Variants in PACSIN2 observed in about 807,000 individuals in gnomAD.
PACSIN2 encodes the protein protein kinase C and casein kinase substrate in neurons protein 2.
A neutral mutation model predicts 63.8 loss-of-function variants in PACSIN2; 25 were observed. That is an observed-to-expected ratio of 0.39 (90% CI 0.29 to 0.55). PACSIN2 has a LOEUF of 0.55. Among genes scored for constraint, PACSIN2 ranks in the 20% least tolerant of loss-of-function variants. The pLI is 0.62. For synonymous variants in PACSIN2, 255 were observed against 256.2 expected, an observed-to-expected ratio of 1.00 and a Z score of 0.05; for missense variants, 518 against 646.9, an observed-to-expected ratio of 0.80 and a Z score of 2.16.
At chr22:42,926,145 G>C (rs1932519024) in intron 1 of PACSIN2, among the ~76,000 whole-genome samples, 1 of 152,322 alleles carries the variant, frequency 6.6e-6, no homozygotes, top group East Asian at 1.9e-4. Flanking sequence ...CAAAGGAAGA[G>C]ATAAGAGATC....
intron 1 of PACSIN2, among the ~76,000 whole-genome samples, chr22:42,941,696 G>A (rs930888641): frequency 9.2e-5 from 14 of 152,174 alleles, no homozygotes; most frequent in African/African-American, 3.4e-4. Flanking sequence ...TATCTTTGAA[G>A]AAACGTCGGT....
At chr22:42,894,388 G>A (rs966457920) in intron 2 of PACSIN2, among the ~76,000 whole-genome samples, 4 of 152,130 alleles carry the variant, frequency 2.6e-5, no homozygotes, top group African/African-American at 2.4e-5. Context: ...CTACAGGCAC[G>A]CATGCCATCA....
At chr22:42,998,699 C>T (rs1365183072) in intron 1 of PACSIN2, among the ~76,000 whole-genome samples, 1 of 152,142 alleles carries the variant, frequency 6.6e-6, no homozygotes, top group East Asian at 1.9e-4. Context: ...CTGGTGAGAG[C>T]CCCACCCTCA....
chr22:42,892,451 C>A (rs1356253103), intron 3 of PACSIN2, among the ~76,000 whole-genome samples: 1 of 152,170 alleles, frequency 6.6e-6, no homozygotes, highest in Non-Finnish European at 1.5e-5. Flanking sequence ...CCTGTCCTGT[C>A]CACAACGTTA....
At chr22:42,989,402 G>A (rs746874633) in intron 1 of PACSIN2, among the ~76,000 whole-genome samples, 60 of 151,852 alleles carry the variant, frequency 4.0e-4, no homozygotes, top group Non-Finnish European at 6.9e-4. Context: ...GGAGGCTGAG[G>A]CAGGAGAATC....
At chr22:42,911,177 T>TACAG in intron 2 of PACSIN2, among the ~76,000 whole-genome samples, 1 of 152,156 alleles carries the variant, frequency 6.6e-6, no homozygotes, top group African/African-American at 2.4e-5. Flanking sequence ...GTGCTGGGGT[T>TACAG]ACAGACATGA....
At chr22:42,892,621 C>T (rs112197656) in intron 3 of PACSIN2, among the ~76,000 whole-genome samples, 6 of 152,342 alleles carry the variant, frequency 3.9e-5, no homozygotes, top group East Asian at 1.9e-4. Context: ...TCCTCTGCCA[C>T]GTGCCTGCTC....
At chr22:42,891,774 A>G (rs1929933453) in intron 3 of PACSIN2, among the ~76,000 whole-genome samples, 1 of 152,176 alleles carries the variant, frequency 6.6e-6, no homozygotes, top group South Asian at 2.1e-4. Context: ...AGAAGTCTTA[A>G]TTTACTTAAA....
chr22:42,924,028 C>T lies in PACSIN2; in HGVS notation c.-77-11871G>A, dbSNP rs569802034. Among the ~76,000 whole-genome samples the T allele has an allele frequency of 7.4e-5, 11 of 149,588 alleles. No individual in the cohort carries two copies. In the South Asian group the frequency reaches 1.1e-3, roughly 14 times the overall value. On this transcript the variant is annotated intron_variant, in intron 1 of 10. Coordinates refer to ENST00000263246, the MANE Select transcript of PACSIN2 (RefSeq NM_001184970.3). The stretch of plus-strand genomic sequence containing the variant: ...CTGCACTTCAATCTGGGTGACAAAG[C>T]GAGACCTGGTCTCTTTAAAAAAAAA...
chr22:42,973,851 A>G (rs1921498799), intron 1 of PACSIN2, among the ~76,000 whole-genome samples: 1 of 152,246 alleles, frequency 6.6e-6, no homozygotes, highest in African/African-American at 2.4e-5. Context: ...ATGCTAAAAG[A>G]GGAAAAGAGA....
intron 1 of PACSIN2, among the ~76,000 whole-genome samples, chr22:43,007,457 C>T (rs1034821778): frequency 2.0e-5 from 3 of 152,132 alleles, no homozygotes; most frequent in Non-Finnish European, 4.4e-5. Context: ...CTCAAGTGAT[C>T]CGCCCACCTC....
At position 42,869,957 on chromosome 22, in the gene PACSIN2, G is replaced by A. The variant is rs1450216600; in HGVS notation, c.*1400C>T. The A allele has an allele frequency of 6.6e-6, 1 of 152,446 alleles. No homozygotes were observed. The highest frequency in any genetic ancestry group is 1.5e-5 in the Non-Finnish European group (1 of 68,064). The allele number at this position is 152,446 out of a possible 1,614,324, so 9.4% of individuals were successfully genotyped here. On this transcript the variant is annotated 3_prime_UTR_variant, in exon 11 of 11. Coordinates refer to ENST00000263246, the MANE Select transcript of PACSIN2 (RefSeq NM_001184970.3). ...TTTCCAAGCAAGACATCTGCTCACT[G>A]GAAACGGAGTGAATGCATAGCTGGT...
chr22:42,956,034 T>A (rs1000530349), intron 1 of PACSIN2, among the ~76,000 whole-genome samples: 4 of 152,236 alleles, frequency 2.6e-5, no homozygotes, highest in Non-Finnish European at 5.9e-5. Flanking sequence ...GTTAATTACA[T>A]CAACATTTCG....
At chr22:42,898,775 G>A (rs565339556) in intron 2 of PACSIN2, among the ~76,000 whole-genome samples, 1 of 152,124 alleles carries the variant, frequency 6.6e-6, no homozygotes, top group East Asian at 1.9e-4. Flanking sequence ...GCTTCTAATC[G>A]TTCCTCTGAG....
chr22:42,961,323 A>G (rs956058231), intron 1 of PACSIN2, among the ~76,000 whole-genome samples: 38 of 152,234 alleles, frequency 2.5e-4, no homozygotes, highest in African/African-American at 9.2e-4. Flanking sequence ...GGAAGGCCGC[A>G]GGGTCCTCTG....
intron 1 of PACSIN2, among the ~76,000 whole-genome samples, chr22:42,971,238 G>A (rs1199424061): frequency 5.3e-5 from 8 of 152,278 alleles, no homozygotes; most frequent in South Asian, 2.1e-4. Context: ...GGCGCGCGCC[G>A]CCACGCCTGA....
At chr22:42,902,904 G>A (rs1930797628) in intron 2 of PACSIN2, among the ~76,000 whole-genome samples, 1 of 152,158 alleles carries the variant, frequency 6.6e-6, no homozygotes, top group Admixed American at 6.5e-5. Context: ...GTGAGCCACC[G>A]CGCCCGGCCT....
chr22:42,984,546 T>C (rs1922474781), intron 1 of PACSIN2, among the ~76,000 whole-genome samples: 1 of 152,140 alleles, frequency 6.6e-6, no homozygotes, highest in Non-Finnish European at 1.5e-5. Flanking sequence ...AAAGCAGGAC[T>C]GTGATCTGCA....
chr22:43,001,607 C>T (rs567433831), intron 1 of PACSIN2, among the ~76,000 whole-genome samples: 15 of 152,352 alleles, frequency 9.8e-5, no homozygotes, highest in African/African-American at 3.4e-4. Context: ...GGAAGCAAGA[C>T]ACTTGTATGC....
Sources: allele counts gnomAD v4.1 joint callset (sites outside exome capture counted in the v4.1 genomes callset), GRCh38; gene constraint gnomAD v4.1.1; transcripts MANE v1.5; gene names NCBI Gene and HGNC (gene_info 2026-07-23, HGNC 2026-07-21).